The following CSMD1 variants were observed in gnomAD, a reference collection of about 807,000 sequenced individuals.
CSMD1 encodes the protein CUB and Sushi multiple domains 1.
In CSMD1, 213 loss-of-function variants were observed where a neutral mutation model predicts 417.5. That is an observed-to-expected ratio of 0.51 (90% CI 0.46 to 0.57). The LOEUF is 0.57. CSMD1 is among the 20% of genes least tolerant of loss of function. CSMD1 has a pLI of 0.00. For synonymous variants in CSMD1, 2,862 were observed against 1,736.8 expected (o/e 1.65, Z -16.11); for missense variants, 6,923 against 4,529.7 (o/e 1.53, Z -15.17).
At chr8:4,110,650 ATG>A (rs1801803090) in intron 3 of CSMD1, among the ~76,000 whole-genome samples, 1 of 146,026 alleles carries the variant, frequency 6.8e-6, no homozygotes, top group Non-Finnish European at 1.5e-5. Flanking sequence ...GTGTGTGTGC[ATG>A]TGTGTGTTTC....
intron 41 of CSMD1, among the ~76,000 whole-genome samples, chr8:3,135,690 T>G (rs1818037732): frequency 6.6e-6 from 1 of 152,060 alleles, no homozygotes; most frequent in Non-Finnish European, 1.5e-5. Context: ...AAACATGCTC[T>G]TGAGTGAAGT....
chr8:4,898,052 G>T (rs960880123), intron 1 of CSMD1, among the ~76,000 whole-genome samples: 2 of 152,002 alleles, frequency 1.3e-5, no homozygotes, highest in South Asian at 2.1e-4. Context: ...AAGAAAATTT[G>T]GTTTTATTAG....
At chr8:3,771,190 A>G (rs1427600845) in intron 5 of CSMD1, among the ~76,000 whole-genome samples, 4 of 152,020 alleles carry the variant, frequency 2.6e-5, no homozygotes, top group Admixed American at 2.6e-4. Flanking sequence ...GGGAAAAACG[A>G]TGACTACTCT....
At chr8:3,188,304 CT>C (rs33913660) in intron 35 of CSMD1, among the ~76,000 whole-genome samples, 1,358 of 87,570 alleles carry the variant, frequency 0.016, 13 homozygotes, top group African/African-American at 0.053. Flanking sequence ...CTTTTCCTTT[CT>C]TTTTTTTTTT....
intron 40 of CSMD1, among the ~76,000 whole-genome samples, chr8:3,146,092 AC>A (rs967461689): frequency 1.1e-4 from 16 of 152,188 alleles, no homozygotes; most frequent in Non-Finnish European, 2.2e-4. Flanking sequence ...ATTCTAAAGA[AC>A]CTTTTATATT....
intron 3 of CSMD1, among the ~76,000 whole-genome samples, chr8:4,298,856 TGG>T (rs2128871911): frequency 6.6e-6 from 1 of 152,152 alleles, no homozygotes; most frequent in East Asian, 1.9e-4. Context: ...CTGGAAATAC[TGG>T]TATAATTCTT....
intron 3 of CSMD1, among the ~76,000 whole-genome samples, chr8:4,157,977 C>G (rs554980718): frequency 3.3e-5 from 5 of 152,274 alleles, no homozygotes; most frequent in African/African-American, 9.6e-5. Context: ...CGAGATTGGC[C>G]AACTGTTGCT....
At chr8:3,310,145 C>A (rs79689286) in intron 23 of CSMD1, among the ~76,000 whole-genome samples, 1 of 152,166 alleles carries the variant, frequency 6.6e-6, no homozygotes, top group Non-Finnish European at 1.5e-5. Context: ...CAATCACCTC[C>A]GGTTTCAGGG....
chr8:4,648,399 T>A, intron 1 of CSMD1, among the ~76,000 whole-genome samples: 1 of 152,138 alleles, frequency 6.6e-6, no homozygotes, highest in Non-Finnish European at 1.5e-5. Context: ...TGGCCCCTAA[T>A]GGTGCCTCAG....
intron 3 of CSMD1, among the ~76,000 whole-genome samples, chr8:4,090,460 G>C (rs973940944): frequency 1.3e-5 from 2 of 151,958 alleles, no homozygotes; most frequent in South Asian, 4.1e-4. Context: ...TACATGGGAA[G>C]GTTTTAAAAT....
chr8:4,759,611 A>T (rs1366868816), intron 1 of CSMD1, among the ~76,000 whole-genome samples: 1 of 151,868 alleles, frequency 6.6e-6, no homozygotes, highest in African/African-American at 2.4e-5. Flanking sequence ...TCCCCTCCCT[A>T]CGTCCATGTG....
chr8:4,607,852 C>A (rs1387568066), intron 2 of CSMD1, among the ~76,000 whole-genome samples: 1 of 152,214 alleles, frequency 6.6e-6, no homozygotes, highest in African/African-American at 2.4e-5. Flanking sequence ...TTTTCTGAAT[C>A]TTCCTCACTA....
intron 1 of CSMD1, among the ~76,000 whole-genome samples, chr8:4,940,714 T>A (rs536969324): frequency 1.3e-5 from 2 of 152,202 alleles, no homozygotes; most frequent in Non-Finnish European, 2.9e-5. Flanking sequence ...AAAATATGCA[T>A]GTTTTGCTCA....
chr8:3,254,728 C>T (rs758980109), intron 26 of CSMD1, among the ~76,000 whole-genome samples: 3 of 152,164 alleles, frequency 2.0e-5, no homozygotes, highest in African/African-American at 7.2e-5. Context: ...CCGTCAGGTC[C>T]TTTAAGGACT....
Position 3,808,277 on chromosome 8 carries a change from T to C in CSMD1, c.819-54235A>G, listed in dbSNP as rs532027428. 1.7e-3 allele frequency among the ~76,000 whole-genome samples: 258 copies of C among 152,276 alleles called. 1 individual carries two copies. Among genetic ancestry groups the C allele is most frequent in the African/African-American group, 5.9e-3 (244 of 41,556 alleles). On this transcript the variant is annotated intron_variant, in intron 5 of 69. Coordinates refer to ENST00000635120, the MANE Select transcript of CSMD1 (RefSeq NM_033225.6). ...TCACATTTACTAAGGAATATAAAGA[T>C]TTTTTTCATTGTTGTTCTTTTTATA...
intron 1 of CSMD1, among the ~76,000 whole-genome samples, chr8:4,678,285 C>A (rs1335685410): frequency 6.6e-6 from 1 of 151,958 alleles, no homozygotes; most frequent in Non-Finnish European, 1.5e-5. Context: ...GTGGCACGCA[C>A]CTGTAGTCCC....
chr8:4,062,937 A>G (rs1585232892), intron 3 of CSMD1, among the ~76,000 whole-genome samples: 1 of 152,128 alleles, frequency 6.6e-6, no homozygotes, highest in Non-Finnish European at 1.5e-5. Context: ...ATTCTTCTAT[A>G]TAAAAAGCTG....
intron 3 of CSMD1, among the ~76,000 whole-genome samples, chr8:4,085,273 A>T (rs888139595): frequency 2.0e-5 from 3 of 152,170 alleles, no homozygotes; most frequent in Non-Finnish European, 2.9e-5. Context: ...AAATCTGTGC[A>T]TAGAATAAGA....
intron 3 of CSMD1, among the ~76,000 whole-genome samples, chr8:4,143,786 G>A (rs942434331): frequency 1.3e-5 from 2 of 151,218 alleles, no homozygotes; most frequent in African/African-American, 2.5e-5. Context: ...GGGTGGGAGG[G>A]GGCCCAAGCA....
Sources: allele counts gnomAD v4.1 joint callset (sites outside exome capture counted in the v4.1 genomes callset), GRCh38; gene constraint gnomAD v4.1.1; transcripts MANE v1.5; gene names NCBI Gene and HGNC (gene_info 2026-07-23, HGNC 2026-07-21).